CERKL: variants seen among roughly 807,000 people sequenced by gnomAD.
The protein encoded by CERKL is ceramide kinase-like protein.
In CERKL, 61 loss-of-function variants were observed where a neutral mutation model predicts 63.4. The observed-to-expected ratio is 0.96, with a 90% CI of 0.78 to 1.19. The LOEUF (loss-of-function observed/expected upper bound fraction) is 1.19, where lower values mean the gene tolerates loss of function less well. Among genes scored for constraint, CERKL ranks in the 50% most tolerant of loss-of-function variants. The probability of loss-of-function intolerance (pLI) is 0.00; values close to 1 mark genes in which losing one functional copy is unlikely to be tolerated. For missense variants in CERKL, 675 were observed against 655.5 expected (o/e 1.03, Z -0.33); for synonymous variants, 250 against 230.5 (o/e 1.08, Z -0.77).
intron 1 of CERKL, among the ~76,000 whole-genome samples, chr2:181,613,872 A>G (rs529654438): frequency 8.1e-4 from 123 of 152,362 alleles, no homozygotes; most frequent in African/African-American, 2.8e-3. Flanking sequence ...GATTTTGCAT[A>G]TAACTAGTTC....
chr2:181,618,858 G>C (rs373735890), intron 1 of CERKL, among the ~76,000 whole-genome samples: 2 of 152,264 alleles, frequency 1.3e-5, no homozygotes, highest in East Asian at 3.9e-4. Context: ...AAAAGCTTGA[G>C]AACTCCTGGT....
Position 181,604,082 on chromosome 2 carries a change from GA to G in CERKL, c.239-4del, listed in dbSNP as rs201864646. The G allele has an allele frequency of 6.0e-5, 92 of 1,543,022 alleles. 1 individual carries two copies. Among genetic ancestry groups the G allele is most frequent in the Admixed American group, 3.6e-4 (21 of 58,170 alleles). ...TAGCAAGTCATACTTAGAATCACCT[GA>G]AAAAAAAATAAATTTTCCAATTAAA... On this transcript the variant is annotated splice_polypyrimidine_tract_variant and splice_region_variant and intron_variant, in intron 1 of 12. Coordinates refer to ENST00000410087, the MANE Select transcript of CERKL (RefSeq NM_201548.5).
At chr2:181,612,746 C>G (rs775450227) in intron 1 of CERKL, among the ~76,000 whole-genome samples, 1 of 151,912 alleles carries the variant, frequency 6.6e-6, no homozygotes, top group Non-Finnish European at 1.5e-5. Context: ...TTTTTAATTA[C>G]AACTTTATTT....
At chr2:181,620,176 T>C (rs1384634804) in intron 1 of CERKL, among the ~76,000 whole-genome samples, 4 of 152,200 alleles carry the variant, frequency 2.6e-5, no homozygotes, top group Admixed American at 6.5e-5. Context: ...ATGGTTTCTA[T>C]TGCCAGGGTG....
Position 181,656,934 on chromosome 2 carries a change from C to A in CERKL, c.73G>T (p.Ala25Ser), listed in dbSNP as rs1434280373. 3 of 1,589,562 alleles carry A rather than the reference C, an allele frequency of 1.9e-6. No individual in the cohort carries two copies. Among genetic ancestry groups the A allele is most frequent in the Non-Finnish European group, 2.6e-6 (3 of 1,166,988 alleles). Residue 25 changes from alanine to serine, a missense_variant, in exon 1 of 13, where the codon GCT becomes TCT. By Grantham distance (99) the Ala-to-Ser change is moderately conservative. Coordinates refer to ENST00000410087, the MANE Select transcript of CERKL (RefSeq NM_201548.5). ...GGREEEAPPE[A>S]AAVPPALLTS... ...AACAGCGCCGGAGGCACAGCGGCAG[C>A]CTCCGGGGGCGCCTCTTCCTCCCGG...
At chr2:181,553,345 G>A (rs977503504) in intron 5 of CERKL, among the ~76,000 whole-genome samples, 1 of 152,130 alleles carries the variant, frequency 6.6e-6, no homozygotes, top group Non-Finnish European at 1.5e-5. Flanking sequence ...GATTTTGGAG[G>A]AGGCCACATA....
At chr2:181,593,591 C>A (rs1685074253) in intron 2 of CERKL, among the ~76,000 whole-genome samples, 1 of 151,174 alleles carries the variant, frequency 6.6e-6, no homozygotes, top group African/African-American at 2.4e-5. Context: ...CTGCCTAGAG[C>A]TTACCTATTC....
At chr2:181,590,319 T>G (rs1684939997) in intron 2 of CERKL, among the ~76,000 whole-genome samples, 1 of 151,808 alleles carries the variant, frequency 6.6e-6, no homozygotes, top group Admixed American at 6.6e-5. Flanking sequence ...CTTCTATTTT[T>G]AGTAGAGACA....
At chr2:181,602,011 T>A (rs1461925663) in intron 2 of CERKL, among the ~76,000 whole-genome samples, 2 of 152,238 alleles carry the variant, frequency 1.3e-5, no homozygotes, top group Non-Finnish European at 2.9e-5. Flanking sequence ...TGTCTAGATT[T>A]TAACCCTAGA....
chr2:181,647,154 A>T (rs1687704684), intron 1 of CERKL, among the ~76,000 whole-genome samples: 1 of 152,194 alleles, frequency 6.6e-6, no homozygotes, highest in South Asian at 2.1e-4. Context: ...TTCAATAGAG[A>T]TGACTACATC....
intron 2 of CERKL, among the ~76,000 whole-genome samples, chr2:181,596,787 C>T (rs55855206): frequency 0.2 from 30,654 of 151,968 alleles, 5,308 homozygotes; most frequent in African/African-American, 0.47. Context: ...GTCCTGGCAA[C>T]ACATTAGAAT....
At chr2:181,591,446 C>T (rs1270752389) in intron 2 of CERKL, among the ~76,000 whole-genome samples, 1 of 151,956 alleles carries the variant, frequency 6.6e-6, no homozygotes, top group Non-Finnish European at 1.5e-5. Flanking sequence ...AATAATATTA[C>T]TATTATGAAA....
intron 1 of CERKL, among the ~76,000 whole-genome samples, chr2:181,619,773 A>G (rs546505811): frequency 5.6e-4 from 86 of 152,260 alleles, no homozygotes; most frequent in African/African-American, 2.1e-3. Context: ...CTGAGCTCTT[A>G]GGGCCCACTA....
chr2:181,556,821 T>A (rs921458507), intron 5 of CERKL, among the ~76,000 whole-genome samples: 53 of 152,346 alleles, frequency 3.5e-4, no homozygotes, highest in Non-Finnish European at 7.2e-4. Context: ...ATTGCCACAC[T>A]GTCTTCCACA....
At chr2:181,624,586 T>C (rs1015686165) in intron 1 of CERKL, among the ~76,000 whole-genome samples, 4 of 152,100 alleles carry the variant, frequency 2.6e-5, no homozygotes, top group Non-Finnish European at 5.9e-5. Flanking sequence ...GGGACATCGT[T>C]GGACAGACAC....
At chr2:181,549,803 C>T in intron 5 of CERKL, 95 bp from the exon 6 acceptor site, 1 of 829,390 alleles carries the variant, frequency 1.2e-6, no homozygotes, top group South Asian at 1.4e-5. Context: ...CTTCAATGTT[C>T]AGATGAAAAA....
chr2:181,566,546 G>A (rs1432477548), intron 3 of CERKL, among the ~76,000 whole-genome samples: 1 of 152,166 alleles, frequency 6.6e-6, no homozygotes, highest in Non-Finnish European at 1.5e-5. Context: ...TTAGTCAAAA[G>A]GTTAGTGTAA....
chr2:181,560,639 AACAT>A (rs1688399182), intron 4 of CERKL, among the ~76,000 whole-genome samples: 1 of 152,168 alleles, frequency 6.6e-6, no homozygotes, highest in Admixed American at 6.6e-5. Context: ...AGGAAACTAA[AACAT>A]AGAAAGATAA....
chr2:181,639,461 C>T (rs879687166), intron 1 of CERKL, among the ~76,000 whole-genome samples: 2 of 152,146 alleles, frequency 1.3e-5, no homozygotes, highest in Non-Finnish European at 2.9e-5. Context: ...TTGTTAAAAA[C>T]TCCAATTTAT....
Sources: allele counts gnomAD v4.1 joint callset (sites outside exome capture counted in the v4.1 genomes callset), GRCh38; gene constraint gnomAD v4.1.1; transcripts MANE v1.5; gene names NCBI Gene and HGNC (gene_info 2026-07-23, HGNC 2026-07-21).